Variants in COCH observed in about 807,000 individuals in gnomAD.
COCH encodes cochlin, also known as coagulation factor C homolog, cochlin (Limulus polyphemus).
A neutral mutation model predicts 54.8 loss-of-function variants in COCH; 40 were observed. That is an observed-to-expected ratio of 0.73 (90% CI 0.57 to 0.95). COCH has a LOEUF of 0.95. Ranked by LOEUF, COCH falls within the 40% of genes least tolerant of loss-of-function variation. The probability of loss-of-function intolerance (pLI) is 0.00; values close to 1 mark genes in which losing one functional copy is unlikely to be tolerated. For missense variants in COCH, 605 were observed against 675.0 expected (o/e 0.90, Z 1.15); for synonymous variants, 256 against 237.9 (o/e 1.08, Z -0.70).
chr14:30,889,903 A>C lies in COCH; in HGVS notation c.*112A>C. The C allele has an allele frequency of 7.6e-6, 11 of 1,456,028 alleles. No homozygotes were observed. The highest frequency in any genetic ancestry group is 2.7e-6 in the Non-Finnish European group (3 of 1,105,236). The allele number at this position is 1,456,028 out of a possible 1,614,324, so 90.2% of individuals were successfully genotyped here. On this transcript the variant is annotated 3_prime_UTR_variant, in exon 12 of 12. Transcript: ENST00000396618. The stretch of plus-strand genomic sequence containing the variant: ...ACTAGAATCAGATACAAAACTATTA[A>C]GTATGTCAACAGCCATTTAGGCAAA...
chr14:30,888,098 C>G (rs1163193336), intron 11 of COCH, among the ~76,000 whole-genome samples: 3 of 150,870 alleles, frequency 2.0e-5, no homozygotes, highest in Non-Finnish European at 4.4e-5. Flanking sequence ...GGGTCTTGCT[C>G]TGTCACCCAG....
At chr14:30,881,178 G>T (rs1323797618) in intron 8 of COCH, among the ~76,000 whole-genome samples, 2 of 143,490 alleles carry the variant, frequency 1.4e-5, no homozygotes, top group Non-Finnish European at 3.0e-5. Flanking sequence ...TTGCACCACT[G>T]CACTCCAGCC....
chr14:30,893,244 C>T (rs1594396369), downstream of COCH, among the ~76,000 whole-genome samples: 1 of 150,288 alleles, frequency 6.7e-6, no homozygotes, highest in African/African-American at 2.5e-5. Flanking sequence ...CTCCGCCTCC[C>T]GGACTCACAC....
At chr14:30,884,766 A>G (rs928440236) in intron 9 of COCH, 110 bp downstream of exon 9, 2 of 1,283,150 alleles carry the variant, frequency 1.6e-6, no homozygotes, top group South Asian at 1.3e-5. Flanking sequence ...ATCCTCCTGG[A>G]ACTGAAATCT....
At chr14:30,895,370 C>G (rs1201501792), downstream of COCH, 9 of 1,555,972 alleles carry the variant, frequency 5.8e-6, no homozygotes, top group Non-Finnish European at 7.8e-6. Flanking sequence ...GACCCTCTTT[C>G]TGTCCAAGCA....
chr14:30,875,340 A>G lies in COCH; in HGVS notation c.82+237A>G, dbSNP rs1895318441. On this transcript the variant is annotated intron_variant, in intron 3 of 11. Coordinates refer to ENST00000396618, the MANE Select transcript of COCH (RefSeq NM_004086.3). ...GTCCAGTGGGGGGACGTTCTCCAAG[A>G]GCACTAGGAAGAAGGCCTCCTCCAG... is the stretch of plus-strand genomic sequence containing the variant. The G allele has an allele frequency of 1.3e-5, 8 of 624,398 alleles. No homozygotes were observed. The Admixed American group carries it at 2.3e-4, about 18-fold the overall frequency. 38.7% of individuals were successfully genotyped at this position (624,398 alleles called of 1,614,324 possible).
intron 11 of COCH, among the ~76,000 whole-genome samples, chr14:30,888,288 T>G (rs905576790): frequency 1.3e-5 from 2 of 151,918 alleles, no homozygotes; most frequent in South Asian, 2.1e-4. Context: ...AAAAGGAGAC[T>G]GGAACAATTG....
chr14:30,877,333 ATAAAAACCCAGAAC>A lies in COCH; in HGVS notation c.83-237_83-224del. The A allele has an allele frequency of 2.0e-6, 1 of 501,360 alleles. No individual in the cohort carries two copies. Among genetic ancestry groups the A allele is most frequent in the Non-Finnish European group, 3.5e-6 (1 of 283,978 alleles). The allele number at this position is 501,360 out of a possible 1,614,324, so 31.1% of individuals were successfully genotyped here. On this transcript the variant is annotated intron_variant, in intron 3 of 11. Coordinates refer to ENST00000396618, the MANE Select transcript of COCH (RefSeq NM_004086.3). The surrounding 1 kb of genome is among the most constrained non-coding windows in gnomAD (Gnocchi z 8.6). ...TCCCCATTTCAAAAACAAAAACGAA[ATAAAAACCCAGAAC>A]TTTCACATTAGAGTTTTATAGTGGC...
intron 8 of COCH, among the ~76,000 whole-genome samples, chr14:30,882,878 G>T (rs1054568183): frequency 5.3e-5 from 8 of 152,138 alleles, no homozygotes; most frequent in African/African-American, 1.7e-4. Context: ...AACAGAGAAA[G>T]ACCCCATCTC....
chr14:30,879,022 T>C, intron 5 of COCH, 78 bp downstream of exon 5: 2 of 1,569,458 alleles, frequency 1.3e-6, no homozygotes, highest in Non-Finnish European at 1.7e-6. Flanking sequence ...GCTCAGCCTC[T>C]TTAACCTTGA....
chr14:30,895,067 AAAAAAAAAAAAAG>A (rs1166932734), downstream of COCH: 23 of 213,104 alleles, frequency 1.1e-4, no homozygotes, highest in Non-Finnish European at 1.6e-4. Flanking sequence ...AAAAAAAAAA[AAAAAAAAAAAAAG>A]AAGAAGAAGA....
intron 11 of COCH, among the ~76,000 whole-genome samples, chr14:30,888,539 T>C (rs1383558425): frequency 6.6e-6 from 1 of 152,066 alleles, no homozygotes; most frequent in African/African-American, 2.4e-5. Context: ...CCCAGCACTT[T>C]GGGAGGCCGA....
downstream of COCH, among the ~76,000 whole-genome samples, chr14:30,891,740 G>T (rs572167637): frequency 7.3e-5 from 11 of 150,068 alleles, no homozygotes; most frequent in African/African-American, 1.9e-4. Context: ...TAAGAAAGTG[G>T]TTTTTTCTTT....
At chr14:30,886,347 G>T (rs1555311987) in intron 11 of COCH, 35 bp downstream of exon 11, 1 of 1,610,572 alleles carries the variant, frequency 6.2e-7, no homozygotes, top group Non-Finnish European at 8.5e-7. Flanking sequence ...GAAGGGAACA[G>T]AAAAAACGGT....
chr14:30,875,118 T>C lies in COCH; in HGVS notation c.82+15T>C, dbSNP rs891413784. 1.4e-5 allele frequency: 22 copies of C among 1,556,146 alleles called. No homozygotes were observed. The highest frequency in any genetic ancestry group is 1.9e-5 in the Admixed American group (1 of 51,514). On this transcript the variant is annotated intron_variant, in intron 3 of 11. Coordinates refer to ENST00000396618, the MANE Select transcript of COCH (RefSeq NM_004086.3). Reference sequence around the variant, plus strand: ...CGAGGGAGCCGGTGAGTGGGGGAGCTGGGGTGCGTCCAGGCGGTCGCAGGG... The same window carrying C: ...CGAGGGAGCCGGTGAGTGGGGGAGCCGGGGTGCGTCCAGGCGGTCGCAGGG...
At position 30,877,382 on chromosome 14, in the gene COCH, T is replaced by C; in HGVS notation, c.83-190T>C. 1 of 647,546 alleles carries C rather than the reference T, an allele frequency of 1.5e-6. No homozygotes were observed. The highest frequency in any genetic ancestry group is 4.2e-4 in the Middle Eastern group (1 of 2,362). The allele number at this position is 647,546 out of a possible 1,614,324, so 40.1% of individuals were successfully genotyped here. A position where few individuals can be genotyped will look rare whatever the true frequency, so the allele number is the denominator to read the frequency against. On this transcript the variant is annotated intron_variant, in intron 3 of 11. Transcript: ENST00000396618. This position sits in a 1 kb window ranked among gnomAD's most constrained non-coding sequence, Gnocchi z 8.6. ...AGAGTTTTATAGTGGCTGGGGACTA[T>C]ATTAAATTGGAAAACAACCTTGTGG...
Position 30,882,134 on chromosome 14 carries a change from T to TTTTTTTTTTG in COCH, c.629+1409_629+1410insGTTTTTTTTT, listed in dbSNP as rs1555311395. Among the ~76,000 whole-genome samples the TTTTTTTTTTG allele has an allele frequency of 7.2e-5, 9 of 124,804 alleles. No homozygotes were observed. In the East Asian group the frequency reaches 1.9e-3, roughly 27 times the overall value. The allele number at this position is 124,804 out of a possible 152,430, so 81.9% of individuals were successfully genotyped here. A position where few individuals can be genotyped will look rare whatever the true frequency, so the allele number is the denominator to read the frequency against. ...ACTATAAAATGGTTTTTTTTTTTTT[T>TTTTTTTTTTG]TTTTTTTTTTTTTGAGACGGAGTTT... On this transcript the variant is annotated intron_variant, in intron 8 of 11. Transcript: ENST00000396618.
At chr14:30,882,120 G>GTTTTTTTTTTTTTTTTTTGTTTT (rs1895620276) in intron 8 of COCH, among the ~76,000 whole-genome samples, 1 of 67,892 alleles carries the variant, frequency 1.5e-5, no homozygotes, top group African/African-American at 6.6e-5. Flanking sequence ...CTATAAAATG[G>GTTTTTTTTTTTTTTTTTTGTTTT]TTTTTTTTTT....
At chr14:30,894,920 A>G, downstream of COCH, 1 of 1,113,774 alleles carries the variant, frequency 9.0e-7, no homozygotes, top group Non-Finnish European at 1.1e-6. Flanking sequence ...AAGCAAAATA[A>G]GTTTAAAAGG....
Sources: gnomAD v4.1 joint callset for allele counts (sites outside exome capture counted in the v4.1 genomes callset) on GRCh38, gnomAD v4.1.1 for gene constraint, Gnocchi (gnomAD v3.1) non-coding constraint, MANE v1.5 for transcripts, NCBI Gene and HGNC (gene_info 2026-07-23, HGNC 2026-07-21) for gene names.